The following PLXNA4 variants were observed in gnomAD, a reference collection of about 807,000 sequenced individuals.
The protein encoded by PLXNA4 is plexin-A4.
In PLXNA4, 44 loss-of-function variants were observed where a neutral mutation model predicts 191.8. That is an observed-to-expected ratio of 0.23 (90% CI 0.18 to 0.29). The LOEUF (loss-of-function observed/expected upper bound fraction) is 0.29. Ranked by LOEUF, PLXNA4 falls within the 10% of genes least tolerant of loss-of-function variation. The probability of loss-of-function intolerance (pLI) is 1.00; values close to 1 mark genes in which losing one functional copy is unlikely to be tolerated. For missense variants in PLXNA4, 1,800 were observed against 2,488.8 expected, an observed-to-expected ratio of 0.72 and a Z score of 5.89; for synonymous variants, 1,082 against 1,009.5, an observed-to-expected ratio of 1.07 and a Z score of -1.36.
At chr7:132,391,001 C>G (rs1805387364) in intron 3 of PLXNA4, among the ~76,000 whole-genome samples, 1 of 152,198 alleles carries the variant, frequency 6.6e-6, no homozygotes, top group South Asian at 2.1e-4. Flanking sequence ...TCTCCCCATA[C>G]CACAGCATCA....
intron 4 of PLXNA4, among the ~76,000 whole-genome samples, chr7:132,257,676 A>C (rs1205545647): frequency 6.6e-6 from 1 of 152,222 alleles, no homozygotes; most frequent in East Asian, 1.9e-4. Flanking sequence ...TCTTTAGGAC[A>C]ACCTGACCTT....
At chr7:132,165,978 C>G (rs1584784700) in intron 22 of PLXNA4, among the ~76,000 whole-genome samples, 1 of 152,296 alleles carries the variant, frequency 6.6e-6, no homozygotes, top group South Asian at 2.1e-4. Context: ...GCAGGCAGAT[C>G]ATGAGGTCAA....
At chr7:132,161,366 A>G (rs1024230760) in intron 24 of PLXNA4, among the ~76,000 whole-genome samples, 1 of 152,250 alleles carries the variant, frequency 6.6e-6, no homozygotes, top group African/African-American at 2.4e-5. Context: ...CCACAGAAGG[A>G]CAGAGCCCCT....
At chr7:132,206,779 A>T (rs1023641768) in intron 10 of PLXNA4, among the ~76,000 whole-genome samples, 4 of 152,098 alleles carry the variant, frequency 2.6e-5, no homozygotes, top group Non-Finnish European at 4.4e-5. Context: ...AGCCTGGACC[A>T]CGGGCTCCCG....
rs1185932633 is a variant in PLXNA4 at position 132,125,247 on chromosome 7, CTCT to C, written c.*5229_*5231del. On this transcript the variant is annotated 3_prime_UTR_variant, in exon 32 of 32. Transcript: ENST00000321063. ...CAGCTCCCCACTCTATAAAATAAGG[CTCT>C]TGTTTCCTACATAGAGAATGCCTGT... 6.6e-6 allele frequency: 1 copy of C among 152,138 alleles called. No homozygotes were observed. The highest frequency in any genetic ancestry group is 1.5e-5 in the Non-Finnish European group (1 of 68,050). The allele number at this position is 152,138 out of a possible 1,614,324, so 9.4% of individuals were successfully genotyped here. A position where few individuals can be genotyped will look rare whatever the true frequency, so the allele number is the denominator to read the frequency against.
At chr7:132,577,964 C>G (rs1387767327), upstream of PLXNA4, among the ~76,000 whole-genome samples, 2 of 152,156 alleles carry the variant, frequency 1.3e-5, no homozygotes, top group African/African-American at 2.4e-5. Flanking sequence ...GCTTGGTAAC[C>G]TGACTTTTCC....
At chr7:132,225,649 C>T (rs1195213505) in intron 8 of PLXNA4, among the ~76,000 whole-genome samples, 1 of 151,894 alleles carries the variant, frequency 6.6e-6, no homozygotes, top group African/African-American at 2.4e-5. Context: ...TCCCTCTGGC[C>T]CTTACCAGCC....
At chr7:132,330,239 G>A (rs948508689) in intron 3 of PLXNA4, among the ~76,000 whole-genome samples, 3 of 152,192 alleles carry the variant, frequency 2.0e-5, no homozygotes, top group Admixed American at 6.5e-5. Flanking sequence ...GAGCTGAGTA[G>A]GGACATGGTG....
chr7:132,622,186 CT>C (rs1212395517), intron 2 of PLXNA4, among the ~76,000 whole-genome samples: 1 of 152,110 alleles, frequency 6.6e-6, no homozygotes, highest in African/African-American at 2.4e-5. Context: ...CTTCCACTGG[CT>C]GGATATAAAC....
At chr7:132,407,998 G>T (rs769787514) in intron 3 of PLXNA4, among the ~76,000 whole-genome samples, 1 of 151,778 alleles carries the variant, frequency 6.6e-6, no homozygotes, top group Non-Finnish European at 1.5e-5. Flanking sequence ...TACCGCTTCT[G>T]GGACTCTAGC....
intron 3 of PLXNA4, chr7:132,384,899 A>G (rs1805057606): frequency 8.2e-7 from 1 of 1,218,828 alleles, no homozygotes; most frequent in Non-Finnish European, 1.0e-6. Context: ...AGTTAGTTTC[A>G]CTGACATATA....
intron 14 of PLXNA4, among the ~76,000 whole-genome samples, chr7:132,188,789 T>C (rs1796962357): frequency 6.6e-6 from 1 of 151,814 alleles, no homozygotes; most frequent in Non-Finnish European, 1.5e-5. Flanking sequence ...GCTGTGTGAC[T>C]CTGGACAAGA....
chr7:132,185,883 T>C (rs1796863578), intron 15 of PLXNA4, among the ~76,000 whole-genome samples: 1 of 152,224 alleles, frequency 6.6e-6, no homozygotes, highest in African/African-American at 2.4e-5. Context: ...ATTCTGCTCA[T>C]TGGCTATAAA....
At chr7:132,574,759 C>T (rs1802147317) in intron 1 of PLXNA4, among the ~76,000 whole-genome samples, 1 of 152,168 alleles carries the variant, frequency 6.6e-6, no homozygotes, top group Admixed American at 6.5e-5. Flanking sequence ...AGCCAGAGAC[C>T]TTTGCAGGAG....
upstream of PLXNA4, among the ~76,000 whole-genome samples, chr7:132,577,563 C>A (rs930256112): frequency 1.3e-5 from 2 of 152,140 alleles, no homozygotes; most frequent in South Asian, 4.1e-4. Context: ...CATGCTCCCA[C>A]CCGCCGCCGC....
rs78809876 is a variant in PLXNA4, at chr7:132,394,928, G to A, written c.1371+94364C>T. Reference sequence around the variant, plus strand: ...CTGATCCACCAGTCAGGTGAGCCGTGGGACCAGCCCTGGGGATTCTCAGCC... The same window carrying A: ...CTGATCCACCAGTCAGGTGAGCCGTAGGACCAGCCCTGGGGATTCTCAGCC... On this transcript the variant is annotated intron_variant, in intron 3 of 31. Coordinates refer to ENST00000321063, the MANE Select transcript of PLXNA4 (RefSeq NM_020911.2). Among the ~76,000 whole-genome samples, 686 of 152,310 alleles carry A rather than the reference G, an allele frequency of 4.5e-3. 11 individuals carry two copies. Among genetic ancestry groups the A allele is most frequent in the African/African-American group, 0.016 (646 of 41,568 alleles).
intron 3 of PLXNA4, among the ~76,000 whole-genome samples, chr7:132,417,948 T>C (rs1249089316): frequency 6.6e-6 from 1 of 152,236 alleles, no homozygotes; most frequent in Non-Finnish European, 1.5e-5. Flanking sequence ...ACTCTCTTCT[T>C]AGGTCACTTT....
At chr7:132,435,089 C>T (rs889425726) in intron 3 of PLXNA4, among the ~76,000 whole-genome samples, 5 of 152,142 alleles carry the variant, frequency 3.3e-5, no homozygotes, top group African/African-American at 1.2e-4. Context: ...GACACATCAG[C>T]CTATATCTCT....
chr7:132,473,586 A>G (rs928078189), intron 3 of PLXNA4, among the ~76,000 whole-genome samples: 1 of 152,238 alleles, frequency 6.6e-6, no homozygotes, highest in Non-Finnish European at 1.5e-5. Flanking sequence ...TACTTACAGA[A>G]GGCAAGACCC....
Sources: gnomAD v4.1 joint callset for allele counts (sites outside exome capture counted in the v4.1 genomes callset) on GRCh38, gnomAD v4.1.1 for gene constraint, MANE v1.5 for transcripts, NCBI Gene and HGNC (gene_info 2026-07-23, HGNC 2026-07-21) for gene names.